The following SYT6 variants were observed in gnomAD, a reference collection of about 807,000 sequenced individuals.
SYT6 encodes synaptotagmin-6.
A neutral mutation model predicts 38.4 loss-of-function variants in SYT6; 24 were observed. The ratio of observed to expected loss-of-function variants is 0.62; its 90% CI spans 0.45 to 0.88. The LOEUF is 0.88. Ranked by LOEUF, SYT6 falls within the 40% of genes least tolerant of loss-of-function variation. SYT6 has a pLI of 0.00. For missense variants in SYT6, 611 were observed against 621.0 expected, an observed-to-expected ratio of 0.98 and a Z score of 0.17; for synonymous variants, 265 against 241.9, an observed-to-expected ratio of 1.10 and a Z score of -0.89.
intron 3 of SYT6, among the ~76,000 whole-genome samples, chr1:114,128,378 C>G (rs1343946789): frequency 6.6e-6 from 1 of 152,226 alleles, no homozygotes; most frequent in Non-Finnish European, 1.5e-5. Context: ...GAGTTGCTCT[C>G]AGTCAGGGCT....
intron 3 of SYT6, among the ~76,000 whole-genome samples, chr1:114,121,749 A>G (rs781452141): frequency 2.6e-5 from 4 of 152,228 alleles, no homozygotes; most frequent in Non-Finnish European, 5.9e-5. Flanking sequence ...CATCTATAAA[A>G]TGGAAATACT....
rs1308887326 is a variant in SYT6 at position 114,153,779 on chromosome 1, G to C, written c.-7C>G. 5 of 669,264 alleles carry C rather than the reference G, an allele frequency of 7.5e-6. No homozygotes were observed. The South Asian group carries it at 7.7e-5, about 10-fold the overall frequency. The allele number at this position is 669,264 out of a possible 1,614,324, so 41.5% of individuals were successfully genotyped here. On this transcript the variant is annotated 5_prime_UTR_variant, in exon 1 of 8. Transcript: ENST00000610222. ...CCCCCCACACTCCGCTCATGCCCTA[G>C]ACACCCAGGCTTGCCGAGCAGCAGC...
At chr1:114,134,093 C>A (rs1460919892) in intron 3 of SYT6, among the ~76,000 whole-genome samples, 1 of 152,198 alleles carries the variant, frequency 6.6e-6, no homozygotes, top group African/African-American at 2.4e-5. Context: ...GAGCACAGAG[C>A]AACCTCCAAG....
At chr1:114,131,996 C>G (rs542652302) in intron 3 of SYT6, among the ~76,000 whole-genome samples, 1 of 152,190 alleles carries the variant, frequency 6.6e-6, no homozygotes, top group African/African-American at 2.4e-5. Context: ...TTCCCTCTGG[C>G]GGTGCAAGGA....
intron 3 of SYT6, among the ~76,000 whole-genome samples, chr1:114,114,929 C>T (rs1051760985): frequency 6.6e-6 from 1 of 152,232 alleles, no homozygotes; most frequent in African/African-American, 2.4e-5. Flanking sequence ...GCCCTCACCA[C>T]TTACTTCCCT....
At chr1:114,109,778 A>G (rs1676562539) in intron 3 of SYT6, among the ~76,000 whole-genome samples, 1 of 152,220 alleles carries the variant, frequency 6.6e-6, no homozygotes, top group Admixed American at 6.5e-5. Flanking sequence ...GGGCATGCAG[A>G]GCAAGGAAGA....
chr1:114,131,649 T>G (rs1678163105), intron 3 of SYT6, among the ~76,000 whole-genome samples: 1 of 152,234 alleles, frequency 6.6e-6, no homozygotes, highest in South Asian at 2.1e-4. Context: ...GGAGGGCTCT[T>G]GCTTTACCTT....
At position 114,124,959 on chromosome 1, in the gene SYT6, C is replaced by T. The variant is rs570622627; in HGVS notation, c.1071+12536G>A. On this transcript the variant is annotated intron_variant, in intron 3 of 7. Transcript: ENST00000610222. ...AGGGGTGAGGAATGAATAAACAATG[C>T]ACTTACAGCCTGGCACACAGGAGGC... Among the ~76,000 whole-genome samples the T allele has an allele frequency of 1.2e-4, 19 of 152,350 alleles. No homozygotes were observed. In the East Asian group the frequency reaches 2.9e-3, roughly 23 times the overall value.
intron 3 of SYT6, among the ~76,000 whole-genome samples, chr1:114,119,805 C>T (rs1403861186): frequency 6.6e-6 from 1 of 152,336 alleles, no homozygotes; most frequent in South Asian, 2.1e-4. Context: ...GGCACGGTGG[C>T]TCACGCCTGT....
chr1:114,132,341 C>A (rs922485624), intron 3 of SYT6, among the ~76,000 whole-genome samples: 2 of 152,206 alleles, frequency 1.3e-5, no homozygotes, highest in African/African-American at 4.8e-5. Context: ...TCCCCACGGG[C>A]TTGAAGAGAG....
At chr1:114,095,559 C>T (rs942663149) in intron 6 of SYT6, among the ~76,000 whole-genome samples, 3 of 152,182 alleles carry the variant, frequency 2.0e-5, no homozygotes, top group African/African-American at 7.2e-5. Flanking sequence ...ACGGGCCCAG[C>T]CATTGCTTAG....
At chr1:114,124,629 T>C (rs1368157686) in intron 3 of SYT6, among the ~76,000 whole-genome samples, 1 of 152,168 alleles carries the variant, frequency 6.6e-6, no homozygotes, top group African/African-American at 2.4e-5. Context: ...CCGTGTTCCA[T>C]GACTGGGTCA....
At chr1:114,141,578 G>A (rs1054378254) in intron 1 of SYT6, among the ~76,000 whole-genome samples, 4 of 152,254 alleles carry the variant, frequency 2.6e-5, no homozygotes, top group African/African-American at 9.6e-5. Context: ...AGAAACTGCA[G>A]TAAGTGATTC....
chr1:114,105,814 T>C (rs733129), intron 3 of SYT6, among the ~76,000 whole-genome samples: 100,670 of 152,036 alleles, frequency 0.66, 33,536 homozygotes, highest in African/African-American at 0.71. Context: ...TTCCAGCTCA[T>C]CTAGGAAGCT....
intron 6 of SYT6, among the ~76,000 whole-genome samples, chr1:114,095,471 C>T (rs1348709006): frequency 1.3e-5 from 2 of 152,222 alleles, no homozygotes; most frequent in Non-Finnish European, 2.9e-5. Context: ...TTTCCACAGG[C>T]AGGCCCAGCC....
intron 3 of SYT6, among the ~76,000 whole-genome samples, chr1:114,105,295 C>A (rs112100245): frequency 2.4e-3 from 364 of 148,892 alleles, no homozygotes; most frequent in African/African-American, 7.6e-3. Context: ...CCTGGAGACT[C>A]CTACAGCCCT....
intron 3 of SYT6, among the ~76,000 whole-genome samples, chr1:114,117,150 GACTGTAAA>G (rs1677043858): frequency 6.6e-6 from 1 of 152,208 alleles, no homozygotes; most frequent in Non-Finnish European, 1.5e-5. Flanking sequence ...CCAGCTGTGT[GACTGTAAA>G]ACTCACTGAA....
intron 3 of SYT6, among the ~76,000 whole-genome samples, chr1:114,132,355 T>C (rs1180310611): frequency 2.0e-5 from 3 of 152,218 alleles, no homozygotes. Context: ...AAGAGAGGCC[T>C]GACTCTTTGA....
At position 114,091,606 on chromosome 1, in the gene SYT6, C is replaced by T. The variant is rs2279380; in HGVS notation, c.*528G>A. The T allele has an allele frequency of 0.37, 58,330 of 159,258 alleles. 11,443 individuals are homozygous for T. Among genetic ancestry groups the T allele is most frequent in the East Asian group, 0.51 (2,893 of 5,620 alleles). The allele number at this position is 159,258 out of a possible 1,614,324, so 9.9% of individuals were successfully genotyped here. ...TGAAAATGCAGCCGCAGTCCCACCA[C>T]GCCTCCTCCTTTTCCAGGGTTGTGG... is the stretch of plus-strand genomic sequence containing the variant. On this transcript the variant is annotated 3_prime_UTR_variant, in exon 8 of 8. Coordinates refer to ENST00000610222, the MANE Select transcript of SYT6 (RefSeq NM_001253772.2).
Sources: gnomAD v4.1 joint callset for allele counts (sites outside exome capture counted in the v4.1 genomes callset) on GRCh38, gnomAD v4.1.1 for gene constraint, MANE v1.5 for transcripts, NCBI Gene and HGNC (gene_info 2026-07-23, HGNC 2026-07-21) for gene names.